MTMR10: variants seen among roughly 807,000 people sequenced by gnomAD.
MTMR10 encodes the protein myotubularin-related protein 10.
A neutral mutation model predicts 88.1 loss-of-function variants in MTMR10; 56 were observed. That is an observed-to-expected ratio of 0.64 (90% CI 0.51 to 0.79). The LOEUF is 0.79. Ranked by LOEUF, MTMR10 falls within the 30% of genes least tolerant of loss-of-function variation. The pLI is 0.00. For missense variants in MTMR10, 883 were observed against 924.7 expected, an observed-to-expected ratio of 0.95 and a Z score of 0.58; for synonymous variants, 380 against 340.9, an observed-to-expected ratio of 1.11 and a Z score of -1.26.
At chr15:30,961,095 T>G in intron 6 of MTMR10, 22 bp from the exon 7 acceptor site, 1 of 1,535,556 alleles carries the variant, frequency 6.5e-7, no homozygotes, top group Non-Finnish European at 8.8e-7. Flanking sequence ...AGCAACATTA[T>G]GAATTTTAAC....
chr15:30,940,530 A>G lies in MTMR10; in HGVS notation c.*940T>C. On this transcript the variant is annotated 3_prime_UTR_variant, in exon 16 of 16. Coordinates refer to ENST00000435680, the MANE Select transcript of MTMR10 (RefSeq NM_017762.3). ...GGAAGTGCCAGCAATAGTTTACCAC[A>G]CTGGAAATACTGATGGCCAAGCCCA... 1.0e-6 allele frequency: 1 copy of G among 985,478 alleles called. No individual in the cohort carries two copies. Among genetic ancestry groups the G allele is most frequent in the Non-Finnish European group, 1.2e-6 (1 of 829,984 alleles). The allele number at this position is 985,478 out of a possible 1,614,324, so 61.0% of individuals were successfully genotyped here. A position where few individuals can be genotyped will look rare whatever the true frequency, so the allele number is the denominator to read the frequency against.
intron 14 of MTMR10, chr15:30,946,478 G>A: frequency 2.3e-6 from 1 of 428,078 alleles, no homozygotes; most frequent in East Asian, 3.8e-5. Context: ...CCTAGCCCAG[G>A]GCCTTACGGC....
intron 9 of MTMR10, among the ~76,000 whole-genome samples, chr15:30,955,506 G>C (rs2063312969): frequency 6.6e-6 from 1 of 152,120 alleles, no homozygotes; most frequent in African/African-American, 2.4e-5. Flanking sequence ...TCCTGACCTT[G>C]TGATTCACCC....
the MTMR10 span, chr15:30,928,050 C>T: frequency 3.0e-6 from 3 of 992,454 alleles, no homozygotes; most frequent in Non-Finnish European, 3.6e-6. Context: ...GGATGAGGTG[C>T]ATCAGAGCAG....
intron 2 of MTMR10, among the ~76,000 whole-genome samples, chr15:30,980,082 A>T (rs1730169267): frequency 6.6e-6 from 1 of 152,196 alleles, no homozygotes; most frequent in African/African-American, 2.4e-5. Flanking sequence ...TGAAGCGACA[A>T]CTCTTAAAAT....
Position 30,941,911 on chromosome 15 carries a change from A to G in MTMR10, c.1893T>C (p.Phe631=). The change falls in exon 16 of 16, where the codon TTT becomes TTC. Residue 631 remains phenylalanine (F), a synonymous_variant. Coordinates refer to ENST00000435680, the MANE Select transcript of MTMR10 (RefSeq NM_017762.3). ...TGGCGGGTTTGGAAAACCATTCTCT[A>G]AAATACTGCTCCGTATCACTGTTCT... ...DSQNSDTEQY[F]REWFSKPANL... 6.2e-7 allele frequency: 1 copy of G among 1,614,028 alleles called. No individual in the cohort carries two copies. The highest frequency in any genetic ancestry group is 8.5e-7 in the Non-Finnish European group (1 of 1,179,900).
Position 30,939,701 on chromosome 15 carries a change from A to G in MTMR10, c.*1769T>C. 1.0e-6 allele frequency: 1 copy of G among 970,118 alleles called. No individual in the cohort carries two copies. The highest frequency in any genetic ancestry group is 1.2e-6 in the Non-Finnish European group (1 of 815,982). The allele number at this position is 970,118 out of a possible 1,614,324, so 60.1% of individuals were successfully genotyped here. ...AAAATTACAGAGGGAAAAATGCTCAATCCAAAACATTTAGTAATAATAAAA... is the reference window on the plus strand; with the variant it reads ...AAAATTACAGAGGGAAAAATGCTCAGTCCAAAACATTTAGTAATAATAAAA... On this transcript the variant is annotated 3_prime_UTR_variant, in exon 16 of 16. Transcript: ENST00000435680.
chr15:30,955,021 C>CT (rs374377748), intron 9 of MTMR10, 128 bp from the exon 10 acceptor site: 49,507 of 548,500 alleles, frequency 0.09, no homozygotes, highest in East Asian at 0.14. Flanking sequence ...ATGGAGTTTA[C>CT]TTTTTTTTTT....
Position 30,941,531 on chromosome 15 carries a change from C to T in MTMR10, c.2273G>A (p.Ser758Asn), listed in dbSNP as rs1388584372. The T allele has an allele frequency of 5.6e-6, 9 of 1,610,046 alleles. No individual in the cohort carries two copies. The South Asian group carries it at 1.0e-4, about 18-fold the overall frequency. Residue 758 changes from serine (S) to asparagine (N), a missense_variant, in exon 16 of 16, where the codon AGC becomes AAC. By Grantham distance (46) the Ser-to-Asn change is conservative (BLOSUM62 1). Around this residue, in one of 3 missense-constraint regions of MTMR10, gnomAD observed 343 missense variants for 323.2 expected, o/e 1.06. Transcript: ENST00000435680. ...CRRSILGTPL[S>N]KFLSGAKIWL... The stretch of plus-strand genomic sequence containing the variant: ...TATTTTGGCCCCACTTAAAAATTTG[C>T]TTAATGGTGTTCCTAAAATGCTTCG...
chr15:30,958,728 G>A, intron 9 of MTMR10, 135 bp downstream of exon 9: 8 of 808,834 alleles, frequency 9.9e-6, no homozygotes, highest in Non-Finnish European at 1.6e-5. Context: ...TTTCAAAATG[G>A]CAATTCTTAT....
In MTMR10 at chr15:30,991,551, A is replaced by AGCGCCG. The variant is rs1392533272; in HGVS notation, c.-51_-46dup. On this transcript the variant is annotated 5_prime_UTR_variant, in exon 1 of 16. Transcript: ENST00000435680. ...CCCGTTCCCGTCGCGGGCCAGTGGC[A>AGCGCCG]GCGCCGACGCCTCCGGGCGTAAAGC... 6.5e-7 allele frequency: 1 copy of AGCGCCG among 1,529,164 alleles called. No homozygotes were observed. The allele number at this position is 1,529,164 out of a possible 1,614,324, so 94.7% of individuals were successfully genotyped here.
chr15:30,972,439 A>G (rs1182047197), intron 5 of MTMR10, among the ~76,000 whole-genome samples: 1 of 152,114 alleles, frequency 6.6e-6, no homozygotes, highest in Admixed American at 6.6e-5. Flanking sequence ...CATGCTTTTT[A>G]TATTTTAGGA....
In MTMR10 at chr15:30,953,645, TATAC is replaced by T. The variant is rs1441111679; in HGVS notation, c.1067-18_1067-15del. The T allele has an allele frequency of 2.7e-6, 4 of 1,477,370 alleles. No individual in the cohort carries two copies. Among genetic ancestry groups the T allele is most frequent in the Non-Finnish European group, 3.7e-6 (4 of 1,083,238 alleles). 91.5% of individuals were successfully genotyped at this position (1,477,370 alleles called of 1,614,324 possible). ...CTTCAAAAGGCTCTGTAATAAATTA[TATAC>T]ATACACATTTTTACTTTTTATTTTA... On this transcript the variant is annotated splice_polypyrimidine_tract_variant and intron_variant, in intron 10 of 15. Transcript: ENST00000435680.
chr15:30,974,960 G>T lies in MTMR10; in HGVS notation c.302C>A (p.Pro101His), dbSNP rs1196386752. ...RNLLLGEHDV[P>H]LTCIEQIVTV... is the part of the protein sequence containing the mutation. ...GACAATTTGCTCAATACATGTTAAA[G>T]GGACATCGTGTTCACCAAGAAGAAG... Residue 101 changes from proline to histidine, a missense_variant, in exon 4 of 16, where the codon CCT becomes CAT. This residue lies in a region of MTMR10 where 414 missense variants were observed against 423.2 expected (regional missense o/e 0.98). Transcript: ENST00000435680. 1 of 1,578,398 alleles carries T rather than the reference G, an allele frequency of 6.3e-7. No individual in the cohort carries two copies.
chr15:30,970,682 A>G (rs1036381687), intron 5 of MTMR10, among the ~76,000 whole-genome samples: 4 of 152,202 alleles, frequency 2.6e-5, no homozygotes, highest in African/African-American at 9.6e-5. Context: ...CAGATCATTG[A>G]TCATGGACAT....
intron 14 of MTMR10, among the ~76,000 whole-genome samples, chr15:30,944,565 CAA>C (rs36025105): frequency 1.1e-4 from 10 of 90,366 alleles, no homozygotes; most frequent in Admixed American, 1.1e-4. Flanking sequence ...GACTCTGTCT[CAA>C]AAAAAAAAAA....
At position 30,974,310 on chromosome 15, in the gene MTMR10, T is replaced by G. The variant is rs112731064; in HGVS notation, c.474+4A>C. 4.6e-4 allele frequency: 738 copies of G among 1,594,666 alleles called. 3 individuals carry two copies. In the African/African-American group the frequency reaches 8.7e-3, roughly 19 times the overall value. On this transcript the variant is annotated splice_donor_region_variant and intron_variant, in intron 5 of 15. Transcript: ENST00000435680. ...CAGAACTTGATAAACCTTAACAGTA[T>G]TACCTTTTTAGCACTTTCGGGACCT... is the stretch of plus-strand genomic sequence containing the variant.
chr15:30,945,610 G>T (rs1276875209), intron 14 of MTMR10, among the ~76,000 whole-genome samples: 1 of 152,194 alleles, frequency 6.6e-6, no homozygotes, highest in Non-Finnish European at 1.5e-5. Flanking sequence ...GGCAAACAAG[G>T]CCAGGGGGAA....
At chr15:30,990,888 TA>T in intron 1 of MTMR10, 51 bp from the exon 2 acceptor site, 2 of 1,453,592 alleles carry the variant, frequency 1.4e-6, no homozygotes, top group African/African-American at 1.4e-5. Flanking sequence ...CCACCCTCCG[TA>T]AAATGCTACA....
Sources: allele counts gnomAD v4.1 joint callset (sites outside exome capture counted in the v4.1 genomes callset), GRCh38; gene constraint gnomAD v4.1.1; regional missense constraint gnomAD v4.1.1; transcripts MANE v1.5; gene names NCBI Gene and HGNC (gene_info 2026-07-23, HGNC 2026-07-21).